Variants in CAPN2 observed in about 807,000 individuals in gnomAD.
CAPN2 encodes the protein calpain-2 catalytic subunit.
A neutral mutation model predicts 102.3 loss-of-function variants in CAPN2; 92 were observed. The ratio of observed to expected loss-of-function variants is 0.90; its 90% CI spans 0.76 to 1.07. The LOEUF (loss-of-function observed/expected upper bound fraction) is 1.07, where lower values mean the gene tolerates loss of function less well. Ranked by LOEUF, CAPN2 falls within the 50% of genes least tolerant of loss-of-function variation. The pLI is 0.00. For synonymous variants in CAPN2, 340 were observed against 355.4 expected (o/e 0.96, Z 0.49); for missense variants, 800 against 909.4 (o/e 0.88, Z 1.55).
intron 2 of CAPN2, among the ~76,000 whole-genome samples, chr1:223,741,567 G>A (rs1226788011): frequency 6.6e-6 from 1 of 151,314 alleles, no homozygotes; most frequent in African/African-American, 2.4e-5. Context: ...CGATTCTCCT[G>A]CCTCAGCCTA....
Position 223,747,176 on chromosome 1 carries a change from G to C in CAPN2, c.729+11G>C, listed in dbSNP as rs1378053498. 6.2e-7 allele frequency: 1 copy of C among 1,608,302 alleles called. No individual in the cohort carries two copies. Among genetic ancestry groups the C allele is most frequent in the Non-Finnish European group, 8.5e-7 (1 of 1,176,544 alleles). On this transcript the variant is annotated intron_variant, in intron 5 of 20. Transcript: ENST00000295006. ...GGCTGCTCCATCGACGTAAGTCCAG[G>C]CTGCCTTCCCTAGCCTCACCCCATC...
At chr1:223,748,598 C>CA (rs1491316546) in intron 5 of CAPN2, among the ~76,000 whole-genome samples, 2 of 152,178 alleles carry the variant, frequency 1.3e-5, no homozygotes. Context: ...AGGGTGTGCT[C>CA]AGTGTCCCTG....
At position 223,727,155 on chromosome 1, in the gene CAPN2, A is replaced by C. The variant is rs924811217; in HGVS notation, c.307+9324A>C. Among the ~76,000 whole-genome samples, 42 of 152,174 alleles carry C rather than the reference A, an allele frequency of 2.8e-4. No individual in the cohort carries two copies. Among genetic ancestry groups the C allele is most frequent in the Non-Finnish European group, 5.6e-4 (38 of 68,034 alleles). ...AAATGCTGTTGTCTCAGGAAGGGTGAAATTTAGCCAGGAGCAGTCTTCAGT... is the reference window on the plus strand; with the variant it reads ...AAATGCTGTTGTCTCAGGAAGGGTGCAATTTAGCCAGGAGCAGTCTTCAGT... On this transcript the variant is annotated intron_variant, in intron 2 of 20. Coordinates refer to ENST00000295006, the MANE Select transcript of CAPN2 (RefSeq NM_001748.5). The surrounding 1 kb of genome is among the most constrained non-coding windows in gnomAD (Gnocchi z 4.1).
upstream of CAPN2, among the ~76,000 whole-genome samples, chr1:223,709,241 G>T (rs561911349): frequency 1.3e-5 from 2 of 152,298 alleles, no homozygotes; most frequent in Admixed American, 6.5e-5. Context: ...TCAAGCAAAG[G>T]GGGTAAGCAA....
chr1:223,772,383 G>C (rs1269202056), intron 20 of CAPN2, 144 bp downstream of exon 20: 4 of 629,614 alleles, frequency 6.4e-6, no homozygotes, highest in Non-Finnish European at 8.4e-6. Context: ...CCGGTTGTAA[G>C]ATCCCACAAT....
At chr1:223,743,500 A>T (rs1660676469) in intron 2 of CAPN2, among the ~76,000 whole-genome samples, 1 of 151,880 alleles carries the variant, frequency 6.6e-6, no homozygotes, top group Non-Finnish European at 1.5e-5. Context: ...TTGTTTGTTT[A>T]TTTATTTAGA....
intron 2 of CAPN2, among the ~76,000 whole-genome samples, chr1:223,718,718 A>G (rs1387941930): frequency 6.6e-6 from 1 of 152,250 alleles, no homozygotes; most frequent in Non-Finnish European, 1.5e-5. Flanking sequence ...TAGCAAAATC[A>G]GTCAACTAGA....
At chr1:223,757,404 G>T (rs1558074714) in intron 11 of CAPN2, 24 bp downstream of exon 11, 2 of 1,614,020 alleles carry the variant, frequency 1.2e-6, no homozygotes, top group Non-Finnish European at 1.7e-6. Context: ...ATGTCCCGGG[G>T]TGCTCAGGTC....
At chr1:223,771,678 A>T (rs1348360626) in intron 18 of CAPN2, 131 bp from the exon 19 acceptor site, 8 of 700,816 alleles carry the variant, frequency 1.1e-5, no homozygotes, top group Non-Finnish European at 2.6e-6. Flanking sequence ...CCAGTCTCAC[A>T]GAAGAGCAGC....
rs956967621 is a variant in CAPN2, at chr1:223,759,604, C to T, written c.1529+123C>T. 4.2e-6 allele frequency: 3 copies of T among 710,292 alleles called. No homozygotes were observed. Among genetic ancestry groups the T allele is most frequent in the African/African-American group, 3.5e-5 (2 of 56,462 alleles). The allele number at this position is 710,292 out of a possible 1,614,324, so 44.0% of individuals were successfully genotyped here. A position where few individuals can be genotyped will look rare whatever the true frequency, so the allele number is the denominator to read the frequency against. On this transcript the variant is annotated intron_variant, in intron 12 of 20. Coordinates refer to ENST00000295006, the MANE Select transcript of CAPN2 (RefSeq NM_001748.5). The surrounding 1 kb of genome is among the most constrained non-coding windows in gnomAD (Gnocchi z 4.6). Reference sequence around the variant, plus strand: ...AGTTACTTTTTCTGTAACACCTGCCCACCTCGAAGGACTAGTGTGGGGATT... The same window carrying T: ...AGTTACTTTTTCTGTAACACCTGCCTACCTCGAAGGACTAGTGTGGGGATT...
At chr1:223,761,672 G>A (rs1571815471) in intron 13 of CAPN2, 55 bp downstream of exon 13, 2 of 1,461,218 alleles carry the variant, frequency 1.4e-6, no homozygotes, top group Admixed American at 1.8e-5. Flanking sequence ...CCAGAGAGCA[G>A]AGGAGCAAAA....
chr1:223,736,565 C>T (rs1366789434), intron 2 of CAPN2, among the ~76,000 whole-genome samples: 1 of 152,214 alleles, frequency 6.6e-6, no homozygotes, highest in Non-Finnish European at 1.5e-5. Context: ...CCTGGACCAT[C>T]TGCCCTGGGT....
chr1:223,749,267 G>C (rs1660828347), intron 6 of CAPN2, 145 bp downstream of exon 6: 1 of 676,770 alleles, frequency 1.5e-6, no homozygotes, highest in African/African-American at 1.8e-5. Flanking sequence ...TTCCGCGCGG[G>C]AGGAGAAGGG....
chr1:223,721,427 C>G (rs1373686915), intron 2 of CAPN2, among the ~76,000 whole-genome samples: 1 of 152,242 alleles, frequency 6.6e-6, no homozygotes, highest in Non-Finnish European at 1.5e-5. Context: ...TTCCCCACAG[C>G]CTCACAGCTC....
chr1:223,723,112 C>T (rs1660098679), intron 2 of CAPN2, among the ~76,000 whole-genome samples: 2 of 152,076 alleles, frequency 1.3e-5, no homozygotes, highest in Non-Finnish European at 2.9e-5. Flanking sequence ...CGCTTGAACC[C>T]GAGTTTGGGA....
At chr1:223,723,858 G>A (rs369517620) in intron 2 of CAPN2, among the ~76,000 whole-genome samples, 1 of 150,254 alleles carries the variant, frequency 6.7e-6, no homozygotes, top group Non-Finnish European at 1.5e-5. Context: ...CCCCCTTCAA[G>A]AATCCCCCAT....
chr1:223,771,652 G>GATT, intron 18 of CAPN2, 157 bp from the exon 19 acceptor site: 1 of 656,146 alleles, frequency 1.5e-6, no homozygotes. Flanking sequence ...GAAGGTACTG[G>GATT]CTTTGCAAAA....
At chr1:223,765,306 G>A (rs538405463) in intron 15 of CAPN2, among the ~76,000 whole-genome samples, 19 of 152,246 alleles carry the variant, frequency 1.2e-4, no homozygotes, top group Non-Finnish European at 2.5e-4. Flanking sequence ...AACCAAGAGG[G>A]CTGGGCCAGT....
intron 2 of CAPN2, among the ~76,000 whole-genome samples, chr1:223,733,107 A>G (rs1660371459): frequency 6.6e-6 from 1 of 152,080 alleles, no homozygotes; most frequent in Non-Finnish European, 1.5e-5. Flanking sequence ...ACCTGCCCAC[A>G]CACCTCCTGT....
Sources: allele counts gnomAD v4.1 joint callset (sites outside exome capture counted in the v4.1 genomes callset), GRCh38; gene constraint gnomAD v4.1.1; non-coding constraint Gnocchi (gnomAD v3.1); transcripts MANE v1.5; gene names NCBI Gene and HGNC (gene_info 2026-07-23, HGNC 2026-07-21).